CDK5RAP2: variants seen among roughly 807,000 people sequenced by gnomAD.
The protein encoded by CDK5RAP2 is CDK5 regulatory subunit-associated protein 2.
A neutral mutation model predicts 232.9 loss-of-function variants in CDK5RAP2; 147 were observed. That is an observed-to-expected ratio of 0.63 (90% confidence interval 0.55 to 0.72). The LOEUF (loss-of-function observed/expected upper bound fraction) is 0.72, where lower values mean the gene tolerates loss of function less well. CDK5RAP2 is among the 30% of genes least tolerant of loss of function. The pLI, the probability that CDK5RAP2 is intolerant of heterozygous loss-of-function variation, is 0.00. For missense variants in CDK5RAP2, 2,195 were observed against 2,231.5 expected, an observed-to-expected ratio of 0.98 and a Z score of 0.33; for synonymous variants, 833 against 833.7, an observed-to-expected ratio of 1.00 and a Z score of 0.01.
At chr9:120,511,060 G>A (rs1202011681) in intron 12 of CDK5RAP2, among the ~76,000 whole-genome samples, 3 of 152,090 alleles carry the variant, frequency 2.0e-5, no homozygotes, top group Non-Finnish European at 2.9e-5. Context: ...CTGACTCTCG[G>A]GGCTCAACTT....
At chr9:120,413,790 G>A (rs1588269407) in intron 28 of CDK5RAP2, among the ~76,000 whole-genome samples, 1 of 144,426 alleles carries the variant, frequency 6.9e-6, no homozygotes, top group South Asian at 2.4e-4. Context: ...GTATATGCAG[G>A]AAATGGGCGC....
chr9:120,454,585 G>C (rs1249663398), intron 20 of CDK5RAP2, among the ~76,000 whole-genome samples: 1 of 152,220 alleles, frequency 6.6e-6, no homozygotes, highest in East Asian at 1.9e-4. Flanking sequence ...TCTGACTTCA[G>C]CTGCGGCTGT....
chr9:120,442,786 T>G (rs2035973420), intron 23 of CDK5RAP2, among the ~76,000 whole-genome samples: 1 of 152,196 alleles, frequency 6.6e-6, no homozygotes, highest in South Asian at 2.1e-4. Context: ...TGTGACCATG[T>G]GTTCACTGCA....
At chr9:120,454,727 G>A (rs555741881) in intron 20 of CDK5RAP2, among the ~76,000 whole-genome samples, 8 of 152,288 alleles carry the variant, frequency 5.3e-5, no homozygotes, top group Non-Finnish European at 1.2e-4. Flanking sequence ...CCATTTCTGG[G>A]GAAACTCTCA....
intron 25 of CDK5RAP2, among the ~76,000 whole-genome samples, chr9:120,432,346 A>G (rs573054524): frequency 9.2e-5 from 14 of 152,356 alleles, no homozygotes; most frequent in African/African-American, 3.1e-4. Context: ...ACTCCAGGGT[A>G]TTCACACTTT....
chr9:120,407,736 C>G (rs895934366), intron 31 of CDK5RAP2: 1 of 164,988 alleles, frequency 6.1e-6, no homozygotes, highest in African/African-American at 2.4e-5. Flanking sequence ...AACACCTCAC[C>G]ACACCTCAAA....
chr9:120,452,707 G>C (rs1156793149), intron 21 of CDK5RAP2, among the ~76,000 whole-genome samples: 2 of 151,376 alleles, frequency 1.3e-5, no homozygotes, highest in African/African-American at 4.9e-5. Context: ...CTTAGAGACA[G>C]TATCTAAGCT....
chr9:120,528,287 G>C lies in CDK5RAP2; in HGVS notation c.880-362C>G, dbSNP rs770807709. 3.4e-5 allele frequency among the ~76,000 whole-genome samples: 5 copies of C among 148,188 alleles called. No homozygotes were observed. The East Asian group carries it at 1.0e-3, about 30-fold the overall frequency. ...CATTAATTTCATTCCTTCTCATGGAGACTGAACTATACATTTATAGTCTGA... is the reference window on the plus strand; with the variant it reads ...CATTAATTTCATTCCTTCTCATGGACACTGAACTATACATTTATAGTCTGA... On this transcript the variant is annotated intron_variant, in intron 9 of 37. Transcript: ENST00000349780.
In CDK5RAP2 at chr9:120,471,635, C is replaced by T. The variant is rs577041608; in HGVS notation, c.1858+113G>A. 283 of 1,484,698 alleles carry T rather than the reference C, an allele frequency of 1.9e-4. 1 individual carries two copies. In the South Asian group the frequency reaches 2.8e-3, roughly 15 times the overall value. 92.0% of individuals were successfully genotyped at this position (1,484,698 alleles called of 1,614,324 possible). A position where few individuals can be genotyped will look rare whatever the true frequency, so the allele number is the denominator to read the frequency against. ...GGTCACCACAAAAAGGATCTCCAAACGAAACCCCGTGTATGCTTCATCCCT... is the reference window on the plus strand; with the variant it reads ...GGTCACCACAAAAAGGATCTCCAAATGAAACCCCGTGTATGCTTCATCCCT... On this transcript the variant is annotated intron_variant, in intron 16 of 37. Transcript: ENST00000349780.
At chr9:120,511,531 C>T (rs982476286) in intron 12 of CDK5RAP2, among the ~76,000 whole-genome samples, 1 of 152,154 alleles carries the variant, frequency 6.6e-6, no homozygotes, top group Non-Finnish European at 1.5e-5. Context: ...ATAAACTGCT[C>T]AAAGTACTCT....
chr9:120,576,252 T>C (rs576106754), intron 1 of CDK5RAP2, among the ~76,000 whole-genome samples: 1 of 152,244 alleles, frequency 6.6e-6, no homozygotes, highest in Non-Finnish European at 1.5e-5. Context: ...TTCTCTAGAA[T>C]AGATGACAAG....
Position 120,403,037 on chromosome 9 carries a change from C to T in CDK5RAP2, c.5076G>A (p.Thr1692=), listed in dbSNP as rs750889414. Residue 1692 remains threonine (T), a synonymous_variant, in exon 34 of 38, where the codon ACG becomes ACA. Coordinates refer to ENST00000349780, the MANE Select transcript of CDK5RAP2 (RefSeq NM_018249.6). This position sits in a 1 kb window ranked among gnomAD's most constrained non-coding sequence, Gnocchi z 4.2. ...TGCCACTGTCGCAGGAGAGGGAGTC[C>T]GTGTCATTCCCAGAGAGTGGAGGAG... The part of the protein sequence containing the change: ...SETPPLSGND[T]DSLSCDSGSS... 110 of 1,613,980 alleles carry T rather than the reference C, an allele frequency of 6.8e-5. No homozygotes were observed. Among genetic ancestry groups the T allele is most frequent in the Non-Finnish European group, 8.6e-5 (101 of 1,179,994 alleles).
At chr9:120,522,489 A>G (rs1016568490) in intron 11 of CDK5RAP2, among the ~76,000 whole-genome samples, 20 of 152,370 alleles carry the variant, frequency 1.3e-4, no homozygotes, top group African/African-American at 4.6e-4. Context: ...TATGCATTAC[A>G]GTCAAGGTAC....
intron 5 of CDK5RAP2, among the ~76,000 whole-genome samples, chr9:120,540,617 A>G (rs2041591170): frequency 6.6e-6 from 1 of 152,240 alleles, no homozygotes; most frequent in Non-Finnish European, 1.5e-5. Flanking sequence ...AAGAAAGAAC[A>G]TGGGCTCTGA....
intron 31 of CDK5RAP2, 174 bp downstream of exon 31, chr9:120,408,173 T>C (rs2033606967): frequency 2.5e-6 from 2 of 784,948 alleles, no homozygotes; most frequent in Admixed American, 1.8e-5. Flanking sequence ...CTATGTTTCC[T>C]GCTGTTCCTT....
chr9:120,455,305 T>A (rs1356698679), intron 20 of CDK5RAP2, among the ~76,000 whole-genome samples: 1 of 145,676 alleles, frequency 6.9e-6, no homozygotes, highest in Non-Finnish European at 1.5e-5. Flanking sequence ...CAGAGTCAAG[T>A]AGCCAAGAAG....
At chr9:120,485,430 G>C (rs2038548035) in intron 14 of CDK5RAP2, among the ~76,000 whole-genome samples, 1 of 151,886 alleles carries the variant, frequency 6.6e-6, no homozygotes. Context: ...AAGTAGCTGG[G>C]ATTACAGGCA....
chr9:120,549,260 C>T (rs773274859), intron 4 of CDK5RAP2, among the ~76,000 whole-genome samples: 1 of 151,992 alleles, frequency 6.6e-6, no homozygotes, highest in Non-Finnish European at 1.5e-5. Context: ...TATACACATA[C>T]ACACACACAA....
At chr9:120,424,443 C>T (rs550841657) in intron 25 of CDK5RAP2, among the ~76,000 whole-genome samples, 53 of 152,294 alleles carry the variant, frequency 3.5e-4, no homozygotes, top group African/African-American at 1.3e-3. Context: ...AGTTCCAGAC[C>T]TTTACTGGAA....
Sources: allele counts gnomAD v4.1 joint callset (sites outside exome capture counted in the v4.1 genomes callset), GRCh38; gene constraint gnomAD v4.1.1; non-coding constraint Gnocchi (gnomAD v3.1); transcripts MANE v1.5; gene names NCBI Gene and HGNC (gene_info 2026-07-23, HGNC 2026-07-21).